The following SYT1 variants were observed in gnomAD, a reference collection of about 807,000 sequenced individuals.
SYT1 encodes synaptotagmin-1.
A neutral mutation model predicts 44.8 loss-of-function variants in SYT1; 8 were observed. The observed-to-expected ratio is 0.18, with a 90% confidence interval of 0.10 to 0.32. SYT1 has a LOEUF of 0.32. SYT1 is among the 10% of genes least tolerant of loss of function. SYT1 has a pLI of 1.00. For synonymous variants in SYT1, 154 were observed against 188.8 expected, an observed-to-expected ratio of 0.82 and a Z score of 1.51; for missense variants, 286 against 509.3, an observed-to-expected ratio of 0.56 and a Z score of 4.22.
intron 1 of SYT1, chr12:78,960,507 T>A (rs912035417): frequency 6.6e-6 from 1 of 152,200 alleles, no homozygotes; most frequent in African/African-American, 2.4e-5. Flanking sequence ...TCCTTTAGCA[T>A]GAATGAAACC....
intron 3 of SYT1, among the ~76,000 whole-genome samples, chr12:79,074,213 CTTT>C (rs1231733434): frequency 4.6e-5 from 7 of 152,136 alleles, no homozygotes; most frequent in Non-Finnish European, 1.0e-4. Flanking sequence ...TTAATCTCAT[CTTT>C]TGTTTTGAAA....
chr12:78,900,689 G>C (rs1875613211), intron 1 of SYT1, among the ~76,000 whole-genome samples: 1 of 152,100 alleles, frequency 6.6e-6, no homozygotes, highest in Admixed American at 6.6e-5. Context: ...ATAGGGCCTT[G>C]TAGGCCATGG....
At chr12:79,293,335 TA>T (rs1266772266) in intron 6 of SYT1, among the ~76,000 whole-genome samples, 2 of 7,584 alleles carry the variant, frequency 2.6e-4, no homozygotes, top group African/African-American at 2.4e-3. Context: ...AAAAATAAAA[TA>T]AAATAAAATA....
chr12:78,930,830 T>C (rs1036387700), intron 1 of SYT1, among the ~76,000 whole-genome samples: 1 of 152,060 alleles, frequency 6.6e-6, no homozygotes, highest in Non-Finnish European at 1.5e-5. Context: ...CCAATTGCTT[T>C]TCTTCCTTAA....
chr12:79,353,457 C>A, intron 8 of SYT1, 45 bp from the exon 9 acceptor site: 1 of 1,354,650 alleles, frequency 7.4e-7, no homozygotes, highest in Non-Finnish European at 1.1e-6. Context: ...ACTCTATTTA[C>A]TTGTATTTGA....
chr12:79,071,790 A>G (rs1044894399), intron 3 of SYT1, among the ~76,000 whole-genome samples: 12 of 152,102 alleles, frequency 7.9e-5, no homozygotes, highest in African/African-American at 2.9e-4. Flanking sequence ...TCATTTAAGA[A>G]CACCAGTTAT....
intron 8 of SYT1, among the ~76,000 whole-genome samples, chr12:79,339,150 G>A (rs1050910126): frequency 6.6e-6 from 1 of 152,112 alleles, no homozygotes; most frequent in African/African-American, 2.4e-5. Context: ...TGTCTTTATA[G>A]CAGCATGATT....
At chr12:79,281,076 A>G (rs1245238744) in intron 4 of SYT1, among the ~76,000 whole-genome samples, 1 of 152,084 alleles carries the variant, frequency 6.6e-6, no homozygotes, top group East Asian at 1.9e-4. Flanking sequence ...TACAACTTCT[A>G]TGCAGAACAG....
At chr12:79,303,282 T>A (rs1880234875) in intron 8 of SYT1, among the ~76,000 whole-genome samples, 2 of 152,168 alleles carry the variant, frequency 1.3e-5, no homozygotes, top group African/African-American at 4.8e-5. Context: ...GTATTTAAAC[T>A]CTTTTTATTT....
intron 9 of SYT1, among the ~76,000 whole-genome samples, chr12:79,438,736 G>A (rs1870235576): frequency 6.6e-6 from 1 of 152,144 alleles, no homozygotes; most frequent in Admixed American, 6.5e-5. Context: ...ACCATGCTAG[G>A]ATCCTCTGCT....
chr12:79,155,829 T>C (rs1489803708), intron 3 of SYT1, among the ~76,000 whole-genome samples: 1 of 152,198 alleles, frequency 6.6e-6, no homozygotes. Flanking sequence ...CGGCCTCTCT[T>C]GTGTATTTCC....
At chr12:79,204,531 G>C (rs1255345681) in intron 3 of SYT1, among the ~76,000 whole-genome samples, 2 of 152,160 alleles carry the variant, frequency 1.3e-5, no homozygotes, top group Admixed American at 6.5e-5. Flanking sequence ...AAAACACTGA[G>C]AGCCGATTGG....
intron 3 of SYT1, among the ~76,000 whole-genome samples, chr12:79,180,748 C>G (rs1872486813): frequency 6.6e-6 from 1 of 152,022 alleles, no homozygotes; most frequent in South Asian, 2.1e-4. Flanking sequence ...CTAAACCATT[C>G]ATGAGAAATC....
In SYT1 at chr12:79,064,984, GAAAGAA is replaced by G. The variant is rs1198624997; in HGVS notation, c.-18+17624_-18+17629del. On this transcript the variant is annotated intron_variant, in intron 3 of 10. Coordinates refer to ENST00000261205, the MANE Select transcript of SYT1 (RefSeq NM_005639.3). The stretch of plus-strand genomic sequence containing the variant: ...AGAAAGAAAGAAAGAAAGAAAGAAA[GAAAGAA>G]AGAAAGAAAAGGAAACCTTTCCTTC... Among the ~76,000 whole-genome samples the G allele has an allele frequency of 7.7e-4, 108 of 140,400 alleles. 2 individuals are homozygous for G. The highest frequency in any genetic ancestry group is 3.3e-3 in the Admixed American group (47 of 14,082). 92.1% of individuals were successfully genotyped at this position (140,400 alleles called of 152,430 possible). A position where few individuals can be genotyped will look rare whatever the true frequency, so the allele number is the denominator to read the frequency against.
At chr12:79,197,524 G>A (rs540445967) in intron 3 of SYT1, among the ~76,000 whole-genome samples, 1 of 151,936 alleles carries the variant, frequency 6.6e-6, no homozygotes, top group Non-Finnish European at 1.5e-5. Context: ...AAATAATCAA[G>A]AACATTTCAT....
chr12:79,364,061 A>G (rs1221739526), intron 9 of SYT1, among the ~76,000 whole-genome samples: 1 of 152,212 alleles, frequency 6.6e-6, no homozygotes, highest in East Asian at 1.9e-4. Context: ...AAATGATCTG[A>G]CTTAATTTCA....
chr12:79,194,453 GTTA>G (rs3065428), intron 3 of SYT1, among the ~76,000 whole-genome samples: 138 of 148,704 alleles, frequency 9.3e-4, no homozygotes, highest in Admixed American at 2.2e-3. Context: ...TAATAATTTT[GTTA>G]TTATTATTAT....
At chr12:79,248,576 G>C (rs892150305) in intron 4 of SYT1, among the ~76,000 whole-genome samples, 11 of 152,194 alleles carry the variant, frequency 7.2e-5, no homozygotes, top group African/African-American at 2.7e-4. Flanking sequence ...AAATGCCATG[G>C]GGAGGAATTT....
intron 1 of SYT1, among the ~76,000 whole-genome samples, chr12:78,911,006 A>T (rs1876287604): frequency 6.6e-6 from 1 of 152,008 alleles, no homozygotes; most frequent in South Asian, 2.1e-4. Context: ...CTTTTAGATT[A>T]TGGTGAGATT....
Sources: allele counts gnomAD v4.1 joint callset (sites outside exome capture counted in the v4.1 genomes callset), GRCh38; gene constraint gnomAD v4.1.1; transcripts MANE v1.5; gene names NCBI Gene and HGNC (gene_info 2026-07-23, HGNC 2026-07-21).